Variants in KDM2A observed in about 807,000 individuals in gnomAD.
The protein encoded by KDM2A is lysine-specific demethylase 2A.
A neutral mutation model predicts 137.3 loss-of-function variants in KDM2A; 3 were observed. The observed-to-expected ratio is 0.02, with a 90% CI of 0.01 to 0.06. The LOEUF is 0.06. Among genes scored for constraint, KDM2A ranks in the 10% least tolerant of loss-of-function variants. The pLI is 1.00. For missense variants in KDM2A, 738 were observed against 1,510.6 expected, an observed-to-expected ratio of 0.49 and a Z score of 8.48; for synonymous variants, 512 against 541.5, an observed-to-expected ratio of 0.95 and a Z score of 0.76.
chr11:67,242,379 G>C (rs1859072233), intron 12 of KDM2A, among the ~76,000 whole-genome samples: 1 of 152,140 alleles, frequency 6.6e-6, no homozygotes, highest in African/African-American at 2.4e-5. Flanking sequence ...GCCCTGGGTT[G>C]AATCTGCACA....
intron 5 of KDM2A, 59 bp downstream of exon 5, chr11:67,181,951 A>G: frequency 1.4e-6 from 2 of 1,412,836 alleles, no homozygotes; most frequent in East Asian, 2.3e-5. Context: ...TTAGGACTGA[A>G]TTAAATCTCT....
chr11:67,137,810 T>C (rs899345449), intron 2 of KDM2A, among the ~76,000 whole-genome samples: 3 of 152,130 alleles, frequency 2.0e-5, no homozygotes, highest in Non-Finnish European at 4.4e-5. Context: ...ATTGGGTCTT[T>C]TTTTGAGAAG....
chr11:67,154,604 T>C (rs1041659183), intron 2 of KDM2A, among the ~76,000 whole-genome samples: 1 of 151,924 alleles, frequency 6.6e-6, no homozygotes, highest in African/African-American at 2.4e-5. Context: ...GCTAATTTTT[T>C]CTTTTTTTTT....
At chr11:67,122,936 A>G (rs1852272616) in intron 2 of KDM2A, among the ~76,000 whole-genome samples, 1 of 151,934 alleles carries the variant, frequency 6.6e-6, no homozygotes, top group Non-Finnish European at 1.5e-5. Flanking sequence ...CGGCCACCCA[A>G]AGTGCTGGGA....
At chr11:67,239,983 A>G (rs947327153) in intron 12 of KDM2A, 12 of 1,165,668 alleles carry the variant, frequency 1.0e-5, no homozygotes, top group Non-Finnish European at 1.3e-5. Context: ...GCTCTGCAGC[A>G]GAACGGCTGG....
chr11:67,253,513 C>G lies in KDM2A; in HGVS notation c.2993C>G (p.Ser998Cys). The G allele has an allele frequency of 6.2e-7, 1 of 1,613,946 alleles. No individual in the cohort carries two copies. The highest frequency in any genetic ancestry group is 8.5e-7 in the Non-Finnish European group (1 of 1,179,850). Reference protein sequence around the residue: ...SWSAVSALSTSSCPLLRTLDL... With the variant: ...SWSAVSALSTCSCPLLRTLDL... The stretch of plus-strand genomic sequence containing the variant: ...TCTGCAGTCTCTGCCCTCAGCACCT[C>G]CAGCTGCCCCCTTCTCAGGACCCTT... The change falls in exon 19 of 21, where the codon TCC (serine) becomes TGC (cysteine). Residue 998 changes from serine to cysteine, a missense_variant. By Grantham distance (112) the Ser-to-Cys change is moderately radical (BLOSUM62 -1). This residue lies in a region of KDM2A where 166 missense variants were observed against 324.0 expected (regional missense o/e 0.51). Coordinates refer to ENST00000529006, the MANE Select transcript of KDM2A (RefSeq NM_012308.3).
At chr11:67,164,464 G>C (rs572793019) in intron 2 of KDM2A, among the ~76,000 whole-genome samples, 1 of 151,946 alleles carries the variant, frequency 6.6e-6, no homozygotes, top group Non-Finnish European at 1.5e-5. Flanking sequence ...TGTTGATCTT[G>C]CTATTGGCCT....
In KDM2A at chr11:67,245,749, G is replaced by A. The variant is rs1859185312; in HGVS notation, c.1834-236G>A. 2 of 601,188 alleles carry A rather than the reference G, an allele frequency of 3.3e-6. No homozygotes were observed. Among genetic ancestry groups the A allele is most frequent in the African/African-American group, 1.9e-5 (1 of 53,866 alleles). The allele number at this position is 601,188 out of a possible 1,614,324, so 37.2% of individuals were successfully genotyped here. ...CAGGTAGATTAGAAAGGACCGGGGA[G>A]GCCAAGTATAGGCCAACTGAAAATA... is the stretch of plus-strand genomic sequence containing the variant. On this transcript the variant is annotated intron_variant, in intron 14 of 20. Coordinates refer to ENST00000529006, the MANE Select transcript of KDM2A (RefSeq NM_012308.3). The surrounding 1 kb of genome is among the most constrained non-coding windows in gnomAD (Gnocchi z 4.1).
intron 2 of KDM2A, among the ~76,000 whole-genome samples, chr11:67,142,613 A>G (rs1469470842): frequency 4.0e-5 from 6 of 150,426 alleles, no homozygotes; most frequent in Non-Finnish European, 8.9e-5. Context: ...TCAAGGCAAG[A>G]GAATCGCTTG....
At chr11:67,183,768 A>G (rs57724865) in intron 5 of KDM2A, among the ~76,000 whole-genome samples, 3,017 of 152,200 alleles carry the variant, frequency 0.02, 34 homozygotes, top group East Asian at 0.047. Context: ...AATGGGATCC[A>G]TGCTGTGGTC....
intron 12 of KDM2A, 90 bp from the exon 13 acceptor site, chr11:67,242,919 G>C: frequency 1.1e-6 from 1 of 931,262 alleles, no homozygotes; most frequent in South Asian, 1.3e-5. Flanking sequence ...CTACTCAAGG[G>C]TACTGAGGCA....
intron 19 of KDM2A, among the ~76,000 whole-genome samples, chr11:67,253,872 A>G (rs1859517074): frequency 6.6e-6 from 1 of 152,074 alleles, no homozygotes; most frequent in Non-Finnish European, 1.5e-5. Context: ...AAAGTCTGAG[A>G]AGGCTTTATG....
intron 2 of KDM2A, among the ~76,000 whole-genome samples, chr11:67,178,947 CTTTG>C (rs1396013338): frequency 3.3e-5 from 5 of 152,270 alleles, no homozygotes; most frequent in South Asian, 2.1e-4. Flanking sequence ...CGTACGATAA[CTTTG>C]TTTAACTTTT....
intron 12 of KDM2A, among the ~76,000 whole-genome samples, chr11:67,232,409 A>G (rs768569147): frequency 6.6e-6 from 1 of 152,264 alleles, no homozygotes; most frequent in African/African-American, 2.4e-5. Flanking sequence ...AAATTTATCT[A>G]GCATCAAGAC....
intron 2 of KDM2A, among the ~76,000 whole-genome samples, chr11:67,147,178 G>T (rs933706743): frequency 6.6e-6 from 1 of 152,020 alleles, no homozygotes; most frequent in South Asian, 2.1e-4. Context: ...ATAGAAATAC[G>T]CCTGTTTGTA....
At chr11:67,133,625 A>C (rs998998214) in intron 2 of KDM2A, among the ~76,000 whole-genome samples, 4 of 146,560 alleles carry the variant, frequency 2.7e-5, no homozygotes, top group African/African-American at 1.0e-4. Context: ...CTGGTCTTGA[A>C]CTCCTGACCT....
intron 2 of KDM2A, among the ~76,000 whole-genome samples, chr11:67,160,777 AAAC>A (rs1162086651): frequency 2.6e-5 from 4 of 152,104 alleles, no homozygotes; most frequent in African/African-American, 9.7e-5. Context: ...ATCTCAAAAA[AAAC>A]AACAAAAAAA....
chr11:67,201,073 A>G (rs1158062048), intron 5 of KDM2A, among the ~76,000 whole-genome samples: 1 of 151,916 alleles, frequency 6.6e-6, no homozygotes, highest in Non-Finnish European at 1.5e-5. Context: ...GGGCGCTTGT[A>G]GTCCCAGCTA....
intron 2 of KDM2A, among the ~76,000 whole-genome samples, chr11:67,145,521 C>T (rs1856222915): frequency 6.6e-6 from 1 of 151,586 alleles, no homozygotes; most frequent in South Asian, 2.1e-4. Flanking sequence ...TTGAGCCATC[C>T]CTTTGAGGGG....
Sources: gnomAD v4.1 joint callset for allele counts (sites outside exome capture counted in the v4.1 genomes callset) on GRCh38, gnomAD v4.1.1 for gene constraint, gnomAD v4.1.1 regional missense constraint, Gnocchi (gnomAD v3.1) non-coding constraint, MANE v1.5 for transcripts, NCBI Gene and HGNC (gene_info 2026-07-23, HGNC 2026-07-21) for gene names.